CELSR1: variants seen among roughly 807,000 people sequenced by gnomAD.
CELSR1 encodes the protein adhesion G protein-coupled receptor C1.
A neutral mutation model predicts 249.1 loss-of-function variants in CELSR1; 110 were observed. The ratio of observed to expected loss-of-function variants is 0.44; its 90% CI spans 0.38 to 0.52. CELSR1 has a LOEUF of 0.52. Ranked by LOEUF, CELSR1 falls within the 20% of genes least tolerant of loss-of-function variation. The pLI, the probability that CELSR1 is intolerant of heterozygous loss-of-function variation, is 0.00. For missense variants in CELSR1, 4,109 were observed against 4,296.4 expected, an observed-to-expected ratio of 0.96 and a Z score of 1.22; for synonymous variants, 2,113 against 1,900.0, an observed-to-expected ratio of 1.11 and a Z score of -2.92.
intron 1 of CELSR1, among the ~76,000 whole-genome samples, chr22:46,466,875 C>T (rs547440152): frequency 6.6e-6 from 1 of 152,250 alleles, no homozygotes; most frequent in South Asian, 2.1e-4. Context: ...GGGGCCCCAC[C>T]AGGGGATTTG....
At chr22:46,492,911 A>C (rs773825783) in intron 1 of CELSR1, among the ~76,000 whole-genome samples, 1 of 152,124 alleles carries the variant, frequency 6.6e-6, no homozygotes, top group South Asian at 2.1e-4. Context: ...AGACAAAAAG[A>C]GCATGGAAAA....
At position 46,363,097 on chromosome 22, in the gene CELSR1, A is replaced by C. The variant is rs2078723626; in HGVS notation, c.*126T>G. 6.2e-7 allele frequency: 1 copy of C among 1,601,034 alleles called. No homozygotes were observed. The highest frequency in any genetic ancestry group is 1.1e-5 in the South Asian group (1 of 90,804). ...ATGGGGACCGCCACACTCTGGGCCC[A>C]CTCCACTTCAAGGGCAGTGGCCCCT... On this transcript the variant is annotated 3_prime_UTR_variant, in exon 35 of 35. Coordinates refer to ENST00000674500, the MANE Select transcript of CELSR1 (RefSeq NM_001378328.1). This position sits in a 1 kb window ranked among gnomAD's most constrained non-coding sequence, Gnocchi z 4.3.
Position 46,423,925 on chromosome 22 carries a change from G to A in CELSR1, c.4611+9468C>T, listed in dbSNP as rs917649426. ...CAGGAGGCGGAGGTTGCAGTGAGCCGAGATTGTGCCAGCCTGGGTGACAGA... is the reference window on the plus strand; with the variant it reads ...CAGGAGGCGGAGGTTGCAGTGAGCCAAGATTGTGCCAGCCTGGGTGACAGA... On this transcript the variant is annotated intron_variant, in intron 5 of 34. Coordinates refer to ENST00000674500, the MANE Select transcript of CELSR1 (RefSeq NM_001378328.1). This position sits in a 1 kb window ranked among gnomAD's most constrained non-coding sequence, Gnocchi z 5.6. Among the ~76,000 whole-genome samples, 2 of 152,050 alleles carry A rather than the reference G, an allele frequency of 1.3e-5. No homozygotes were observed. The highest frequency in any genetic ancestry group is 2.4e-5 in the African/African-American group (1 of 41,374).
chr22:46,443,621 GCACT>G (rs2079781179), intron 2 of CELSR1, among the ~76,000 whole-genome samples: 1 of 152,176 alleles, frequency 6.6e-6, no homozygotes, highest in South Asian at 2.1e-4. Context: ...ATTCACACAT[GCACT>G]CAATTTCCCG....
intron 1 of CELSR1, among the ~76,000 whole-genome samples, chr22:46,495,278 G>C (rs762670846): frequency 3.9e-5 from 6 of 152,164 alleles, no homozygotes; most frequent in Non-Finnish European, 8.8e-5. Flanking sequence ...TTACTGTACT[G>C]AGTACTGTAA....
rs987502808 is a variant in CELSR1, at chr22:46,473,347, C to T, written c.3545-9002G>A. On this transcript the variant is annotated intron_variant, in intron 1 of 34. Coordinates refer to ENST00000674500, the MANE Select transcript of CELSR1 (RefSeq NM_001378328.1). This position sits in a 1 kb window ranked among gnomAD's most constrained non-coding sequence, Gnocchi z 6.6. ...GGACAGAGGAGATGGTCCAAGAGGA[C>T]CCTAGTCCTGGCATGGGAGGGTCTG... Among the ~76,000 whole-genome samples the T allele has an allele frequency of 6.6e-6, 1 of 152,080 alleles. No homozygotes were observed. Among genetic ancestry groups the T allele is most frequent in the Non-Finnish European group, 1.5e-5 (1 of 68,012 alleles).
rs1184988780 is a variant in CELSR1, at chr22:46,413,585, A to C, written c.4612-1826T>G. Reference sequence around the variant, plus strand: ...GAGTTTCCCACACGCCCTTGTCTGTAAATCCAAGGGAGGCTTCTACCATGA... The same window carrying C: ...GAGTTTCCCACACGCCCTTGTCTGTCAATCCAAGGGAGGCTTCTACCATGA... On this transcript the variant is annotated intron_variant, in intron 5 of 34. Coordinates refer to ENST00000674500, the MANE Select transcript of CELSR1 (RefSeq NM_001378328.1). The surrounding 1 kb of genome is among the most constrained non-coding windows in gnomAD (Gnocchi z 4.7). Among the ~76,000 whole-genome samples the C allele has an allele frequency of 1.3e-5, 2 of 152,232 alleles. No individual in the cohort carries two copies. Among genetic ancestry groups the C allele is most frequent in the Non-Finnish European group, 2.9e-5 (2 of 68,042 alleles).
At chr22:46,392,510 T>A (rs555481685) in intron 14 of CELSR1, among the ~76,000 whole-genome samples, 1 of 152,334 alleles carries the variant, frequency 6.6e-6, no homozygotes, top group South Asian at 2.1e-4. Context: ...GGGAGGCGCA[T>A]GGGGTGACTG....
intron 1 of CELSR1, among the ~76,000 whole-genome samples, chr22:46,485,183 T>C (rs2080301706): frequency 6.6e-6 from 1 of 152,148 alleles, no homozygotes; most frequent in African/African-American, 2.4e-5. Context: ...GAGGTTTTTC[T>C]GTAGTTGAGT....
At position 46,396,745 on chromosome 22, in the gene CELSR1, C is replaced by T; in HGVS notation, c.5703G>A (p.Gly1901=). 1.2e-6 allele frequency: 2 copies of T among 1,611,916 alleles called. No individual in the cohort carries two copies. Among genetic ancestry groups the T allele is most frequent in the South Asian group, 1.1e-5 (1 of 90,596 alleles). ...CATCCACACAGTTTATTCCAAGGTA[C>T]CCTGCAAGGACAGAGCCAGCATTAC... ...WEDYSCVCDK[G]YLGINCVDAC... is the part of the protein sequence containing the mutation. Residue 1901 remains glycine (G), a splice_region_variant and synonymous_variant, in exon 13 of 35, where the codon GGG becomes GGA. Coordinates refer to ENST00000674500, the MANE Select transcript of CELSR1 (RefSeq NM_001378328.1). The surrounding 1 kb of genome is among the most constrained non-coding windows in gnomAD (Gnocchi z 6.4).
rs1282052373 is a variant in CELSR1, at chr22:46,398,561, T to C, written c.5489A>G (p.Lys1830Arg). The C allele has an allele frequency of 6.2e-7, 1 of 1,611,776 alleles. No individual in the cohort carries two copies. The highest frequency in any genetic ancestry group is 8.5e-7 in the Non-Finnish European group (1 of 1,179,226). Residue 1830 changes from lysine to arginine, a missense_variant, in exon 11 of 35, where the codon AAG becomes AGG. Lys to Arg is a conservative substitution (Grantham distance 26, BLOSUM62 2). Transcript: ENST00000674500. This position sits in a 1 kb window ranked among gnomAD's most constrained non-coding sequence, Gnocchi z 7.2. ...SVVVGGASED[K>R]VSVRRGFRGC... ...TCGGAATCCACGGCGCACGGAGACC[T>C]TGTCTTCAGAGGCGCCTCCGACCAC...
At chr22:46,533,496 C>A in intron 1 of CELSR1, 131 bp downstream of exon 1, 2 of 1,360,760 alleles carry the variant, frequency 1.5e-6, no homozygotes, top group Non-Finnish European at 2.0e-6. Context: ...CCGGCGGCAA[C>A]AAATCCTTGC....
At chr22:46,379,960 C>T (rs912127607) in intron 22 of CELSR1, among the ~76,000 whole-genome samples, 2 of 152,182 alleles carry the variant, frequency 1.3e-5, no homozygotes, top group African/African-American at 2.4e-5. Context: ...TAAACAGAGA[C>T]AGCAAAAGTG....
Position 46,391,172 on chromosome 22 carries a change from C to A in CELSR1, c.6250+14G>T. 6.2e-7 allele frequency: 1 copy of A among 1,608,544 alleles called. No individual in the cohort carries two copies. The highest frequency in any genetic ancestry group is 8.5e-7 in the Non-Finnish European group (1 of 1,177,210). On this transcript the variant is annotated intron_variant, in intron 16 of 34. Coordinates refer to ENST00000674500, the MANE Select transcript of CELSR1 (RefSeq NM_001378328.1). The surrounding 1 kb of genome is among the most constrained non-coding windows in gnomAD (Gnocchi z 4.3). ...CCTGCCTCAGTTCCCTACACACAGGCCACGGCGACTCACCAACGGATCCCT... is the reference window on the plus strand; with the variant it reads ...CCTGCCTCAGTTCCCTACACACAGGACACGGCGACTCACCAACGGATCCCT...
Position 46,367,776 on chromosome 22 carries a change from C to G in CELSR1, c.8032G>C (p.Asp2678His), listed in dbSNP as rs750773769. 8.7e-6 allele frequency: 14 copies of G among 1,610,414 alleles called. No individual in the cohort carries two copies. Among genetic ancestry groups the G allele is most frequent in the Non-Finnish European group, 1.2e-5 (14 of 1,179,222 alleles). ...AAGAGGTAGTGAAAGCTCAGTGCAT[C>G]GCGGTTCACAGCCAGCAGCCCCAGC... ...WLLGLLAVNRDALSFHYLFAI... is the reference protein window; with the variant it reads ...WLLGLLAVNRHALSFHYLFAI... Residue 2678 changes from aspartate to histidine, a missense_variant, in exon 28 of 35, where the codon GAT (aspartate) becomes CAT (histidine). By Grantham distance (81) the Asp-to-His change is moderately conservative. Transcript: ENST00000674500.
In CELSR1 at chr22:46,409,774, G is replaced by C; in HGVS notation, c.5040C>G (p.Gly1680=). ...MYLCECPLRF[G]GKNCEQAMPH... is the part of the protein sequence containing the mutation. ...ACTCACCTTGCTCACAGTTCTTCCC[G>C]CCGAATCGGAGTGGACACTCACACA... The change falls in exon 8 of 35, where the codon GGC becomes GGG. Residue 1680 remains glycine, a synonymous_variant. Transcript: ENST00000674500. The surrounding 1 kb of genome is among the most constrained non-coding windows in gnomAD (Gnocchi z 9.8). The C allele has an allele frequency of 6.2e-7, 1 of 1,613,622 alleles. No homozygotes were observed. The highest frequency in any genetic ancestry group is 8.5e-7 in the Non-Finnish European group (1 of 1,179,994).
chr22:46,368,041 G>C (rs983038934), intron 27 of CELSR1, among the ~76,000 whole-genome samples, 186 bp from the exon 28 acceptor site: 2 of 152,172 alleles, frequency 1.3e-5, no homozygotes, highest in Admixed American at 6.5e-5. Flanking sequence ...GGACTCATCC[G>C]GGAACCAGAC....
chr22:46,379,222 T>C (rs1412857820), intron 22 of CELSR1, among the ~76,000 whole-genome samples: 1 of 152,212 alleles, frequency 6.6e-6, no homozygotes, highest in East Asian at 1.9e-4. Flanking sequence ...CAATGTTTTA[T>C]GGGAACTGCC....
rs748678918 is a variant in CELSR1, at chr22:46,445,956, G to C, written c.4184-6545C>G. Among the ~76,000 whole-genome samples the C allele has an allele frequency of 2.2e-3, 342 of 152,110 alleles. 2 individuals carry two copies. The highest frequency in any genetic ancestry group is 1.8e-3 in the Non-Finnish European group (123 of 67,986). ...ACAGCCACAAGCCCCCTCGCCTCGC[G>C]GCCCCTGCTCCTGCCGCACAGCCTC... is the stretch of plus-strand genomic sequence containing the variant. On this transcript the variant is annotated intron_variant, in intron 2 of 34. Transcript: ENST00000674500. The surrounding 1 kb of genome is among the most constrained non-coding windows in gnomAD (Gnocchi z 4.4).
Sources: allele counts gnomAD v4.1 joint callset (sites outside exome capture counted in the v4.1 genomes callset), GRCh38; gene constraint gnomAD v4.1.1; non-coding constraint Gnocchi (gnomAD v3.1); transcripts MANE v1.5; gene names NCBI Gene and HGNC (gene_info 2026-07-23, HGNC 2026-07-21).